The following FBXL17 variants were observed in gnomAD, a reference collection of about 807,000 sequenced individuals.
FBXL17 encodes F-box and leucine rich repeat protein 17.
In FBXL17, 22 loss-of-function variants were observed where a neutral mutation model predicts 66.2. The observed-to-expected ratio is 0.33, with a 90% CI of 0.24 to 0.47. FBXL17 has a LOEUF of 0.47. Among genes scored for constraint, FBXL17 ranks in the 20% least tolerant of loss-of-function variants. The pLI is 1.00. For synonymous variants in FBXL17, 474 were observed against 400.5 expected (o/e 1.18, Z -2.19); for missense variants, 878 against 948.2 (o/e 0.93, Z 0.97).
chr5:108,020,110 A>G (rs906847204), intron 7 of FBXL17, among the ~76,000 whole-genome samples: 6 of 151,910 alleles, frequency 3.9e-5, no homozygotes, highest in African/African-American at 1.2e-4. Flanking sequence ...ATAAAAACTT[A>G]ATGGATTATT....
rs558902925 is a variant in FBXL17 at position 107,982,459 on chromosome 5, C to CA, written c.1822+38465dup. Among the ~76,000 whole-genome samples the CA allele has an allele frequency of 7.8e-4, 117 of 149,642 alleles. 1 individual carries two copies. In the South Asian group the frequency reaches 0.023, roughly 29 times the overall value. On this transcript the variant is annotated intron_variant, in intron 7 of 8. Coordinates refer to ENST00000542267, the MANE Select transcript of FBXL17 (RefSeq NM_001163315.3). ...TTTTCTCAATGCTTTAAAAAAAAAACAAAAAAAACCACATAGCAATGAACT... is the reference window on the plus strand; with the variant it reads ...TTTTCTCAATGCTTTAAAAAAAAAACAAAAAAAAACCACATAGCAATGAACT...
chr5:107,958,119 A>C (rs1751736589), intron 7 of FBXL17, among the ~76,000 whole-genome samples: 2 of 151,870 alleles, frequency 1.3e-5, no homozygotes, highest in Non-Finnish European at 2.9e-5. Flanking sequence ...CAACTTTGGT[A>C]CACAGAAATG....
chr5:108,222,545 C>G (rs1754911278), intron 5 of FBXL17, among the ~76,000 whole-genome samples: 1 of 152,076 alleles, frequency 6.6e-6, no homozygotes, highest in Non-Finnish European at 1.5e-5. Flanking sequence ...AAAATTAAAG[C>G]TAATCAGTCC....
At chr5:108,188,658 C>G (rs1016791514) in intron 5 of FBXL17, among the ~76,000 whole-genome samples, 1 of 152,172 alleles carries the variant, frequency 6.6e-6, no homozygotes, top group Non-Finnish European at 1.5e-5. Flanking sequence ...GTCTCAGCAG[C>G]TTCAGGCAAC....
chr5:107,965,856 T>C (rs1752109295), intron 7 of FBXL17, among the ~76,000 whole-genome samples: 1 of 152,116 alleles, frequency 6.6e-6, no homozygotes, highest in Non-Finnish European at 1.5e-5. Flanking sequence ...GAATTACACA[T>C]AAAATATGAT....
intron 5 of FBXL17, among the ~76,000 whole-genome samples, chr5:108,205,490 G>T (rs934960602): frequency 3.3e-5 from 5 of 152,088 alleles, no homozygotes; most frequent in Non-Finnish European, 7.4e-5. Context: ...TTTTGTTACT[G>T]TCAGGATTCA....
intron 6 of FBXL17, among the ~76,000 whole-genome samples, chr5:108,055,760 G>T (rs1747685653): frequency 6.6e-6 from 1 of 151,570 alleles, no homozygotes; most frequent in Non-Finnish European, 1.5e-5. Context: ...ATTATCTTTT[G>T]TTATTCTTCA....
rs1040610771 is a variant in FBXL17, at chr5:107,924,044, G to C, written c.1823-42865C>G. ...CCAGAGAAGTTCTGCCTAAAGAAGT[G>C]GCATATGAGCTTAGTGTTTTTTTTT... On this transcript the variant is annotated intron_variant, in intron 7 of 8. Transcript: ENST00000542267. Among the ~76,000 whole-genome samples the C allele has an allele frequency of 4.1e-5, 6 of 147,768 alleles. No individual in the cohort carries two copies. The Admixed American group carries it at 4.1e-4, about 10-fold the overall frequency.
In FBXL17 at chr5:108,061,926, A is replaced by G. The variant is rs1747940812; in HGVS notation, c.1746-40925T>C. Among the ~76,000 whole-genome samples the G allele has an allele frequency of 4.0e-5, 6 of 151,696 alleles. No individual in the cohort carries two copies. The South Asian group carries it at 1.2e-3, about 32-fold the overall frequency. On this transcript the variant is annotated intron_variant, in intron 6 of 8. Transcript: ENST00000542267. ...TACTACTTATGCATAAAACACTTTG[A>G]GCTCCCCAGATGAAAGCCCGCATAC...
At chr5:108,246,493 GC>G (rs1756103619) in intron 4 of FBXL17, among the ~76,000 whole-genome samples, 1 of 152,110 alleles carries the variant, frequency 6.6e-6, no homozygotes, top group South Asian at 2.1e-4. Context: ...CTCCACCCTA[GC>G]TGACCCTGTC....
At chr5:108,293,843 C>A (rs1292256244) in intron 4 of FBXL17, among the ~76,000 whole-genome samples, 1 of 151,708 alleles carries the variant, frequency 6.6e-6, no homozygotes, top group Admixed American at 6.6e-5. Flanking sequence ...AAATTCAAGA[C>A]CAACCTGGCC....
chr5:108,072,600 T>A (rs1209304169), intron 6 of FBXL17, among the ~76,000 whole-genome samples: 1 of 152,076 alleles, frequency 6.6e-6, no homozygotes, highest in African/African-American at 2.4e-5. Flanking sequence ...CCCAGCTACT[T>A]GGGAGGTTGA....
At chr5:108,141,073 T>A (rs11955420) in intron 6 of FBXL17, among the ~76,000 whole-genome samples, 1 of 152,234 alleles carries the variant, frequency 6.6e-6, no homozygotes, top group East Asian at 1.9e-4. Flanking sequence ...TCCTTCACGG[T>A]GGCCCCTGTC....
At chr5:108,268,880 A>T (rs1757151114) in intron 4 of FBXL17, among the ~76,000 whole-genome samples, 2 of 152,192 alleles carry the variant, frequency 1.3e-5, no homozygotes, top group South Asian at 4.1e-4. Context: ...AAGCTTACAC[A>T]TCTATTTAAT....
intron 7 of FBXL17, among the ~76,000 whole-genome samples, chr5:108,017,144 A>T (rs1004554216): frequency 7.9e-5 from 12 of 152,282 alleles, no homozygotes; most frequent in African/African-American, 2.9e-4. Flanking sequence ...TTTGCTGACA[A>T]ATTGTTCCAG....
chr5:108,261,349 G>A (rs2150125982), intron 4 of FBXL17, among the ~76,000 whole-genome samples: 1 of 152,076 alleles, frequency 6.6e-6, no homozygotes, highest in South Asian at 2.1e-4. Context: ...AAAGATCTCA[G>A]AATGGAAAAA....
At chr5:108,236,374 G>A (rs569667365) in intron 4 of FBXL17, among the ~76,000 whole-genome samples, 4 of 151,644 alleles carry the variant, frequency 2.6e-5, no homozygotes, top group Admixed American at 6.6e-5. Flanking sequence ...TTAGCCGGGC[G>A]TGGTGGCAGG....
intron 1 of FBXL17, among the ~76,000 whole-genome samples, chr5:108,375,158 A>G (rs1052135471): frequency 1.3e-5 from 2 of 152,188 alleles, no homozygotes; most frequent in African/African-American, 4.8e-5. Context: ...GTTTGAGACC[A>G]GCCTGGAAAA....
chr5:108,284,546 GAA>G (rs1412919526), intron 4 of FBXL17, among the ~76,000 whole-genome samples: 1 of 151,738 alleles, frequency 6.6e-6, no homozygotes, highest in Non-Finnish European at 1.5e-5. Flanking sequence ...GGAAGACTTG[GAA>G]AAGTGAGTGA....
Sources: gnomAD v4.1 joint callset for allele counts (sites outside exome capture counted in the v4.1 genomes callset) on GRCh38, gnomAD v4.1.1 for gene constraint, MANE v1.5 for transcripts, NCBI Gene and HGNC (gene_info 2026-07-23, HGNC 2026-07-21) for gene names.